The following RGS7 variants were observed in gnomAD, a reference collection of about 807,000 sequenced individuals.
RGS7 encodes regulator of G-protein signaling 7.
Under a neutral mutation model 81.1 loss-of-function variants are expected in RGS7, and 27 were observed. The ratio of observed to expected loss-of-function variants is 0.33; its 90% CI spans 0.25 to 0.46. The LOEUF is 0.46. Ranked by LOEUF, RGS7 falls within the 20% of genes least tolerant of loss-of-function variation. The pLI, the probability that RGS7 is intolerant of heterozygous loss-of-function variation, is 1.00. For synonymous variants in RGS7, 208 were observed against 207.7 expected, an observed-to-expected ratio of 1.00 and a Z score of -0.01; for missense variants, 396 against 607.4, an observed-to-expected ratio of 0.65 and a Z score of 3.66.
At chr1:241,089,006 A>G (rs1351996102) in intron 3 of RGS7, among the ~76,000 whole-genome samples, 2 of 132,436 alleles carry the variant, frequency 1.5e-5, no homozygotes, top group Non-Finnish European at 3.2e-5. Context: ...AGCCTGGGCC[A>G]CAGAGCAAGA....
chr1:240,832,760 G>A lies in RGS7; in HGVS notation c.610-5588C>T, dbSNP rs146829938. Among the ~76,000 whole-genome samples, 946 of 152,260 alleles carry A rather than the reference G, an allele frequency of 6.2e-3. 7 individuals carry two copies. Among genetic ancestry groups the A allele is most frequent in the African/African-American group, 0.021 (853 of 41,542 alleles). ...TACCTGGGAGAACAGTGTCCTAAAC[G>A]ACAGGTGAGTGGAGGATTAGAAATG... is the stretch of plus-strand genomic sequence containing the variant. On this transcript the variant is annotated intron_variant, in intron 9 of 18. Coordinates refer to ENST00000440928, the MANE Select transcript of RGS7 (RefSeq NM_001364886.1).
intron 2 of RGS7, among the ~76,000 whole-genome samples, chr1:241,287,675 C>A (rs2078892481): frequency 6.6e-6 from 1 of 152,064 alleles, no homozygotes; most frequent in Admixed American, 6.6e-5. Flanking sequence ...TGGTCTTAGG[C>A]AAAGGAAGAC....
chr1:241,097,148 G>C (rs980632268), intron 3 of RGS7, among the ~76,000 whole-genome samples: 1 of 151,658 alleles, frequency 6.6e-6, no homozygotes, highest in African/African-American at 2.4e-5. Flanking sequence ...AAAGCTTCAG[G>C]AGAGTTTTCA....
chr1:241,340,110 G>A (rs985095287), intron 2 of RGS7, among the ~76,000 whole-genome samples: 2 of 152,070 alleles, frequency 1.3e-5, no homozygotes, highest in Non-Finnish European at 2.9e-5. Flanking sequence ...TTCTTTTGTT[G>A]GAATCCATTC....
intron 2 of RGS7, among the ~76,000 whole-genome samples, chr1:241,233,572 CT>C (rs1024290781): frequency 3.9e-5 from 6 of 152,206 alleles, no homozygotes; most frequent in African/African-American, 9.6e-5. Context: ...GGATTTCATG[CT>C]TTTTTTATGG....
chr1:241,352,600 A>G (rs2083312869), intron 2 of RGS7, among the ~76,000 whole-genome samples: 1 of 152,246 alleles, frequency 6.6e-6, no homozygotes, highest in Non-Finnish European at 1.5e-5. Flanking sequence ...CTGACTTGCA[A>G]GTACCAACCC....
intron 2 of RGS7, among the ~76,000 whole-genome samples, chr1:241,319,416 A>C (rs573598360): frequency 6.6e-6 from 1 of 152,356 alleles, no homozygotes; most frequent in Non-Finnish European, 1.5e-5. Flanking sequence ...AAAATGCAAC[A>C]AAATATTAAT....
chr1:241,157,055 CAAGAGT>C (rs2069210701), intron 2 of RGS7, among the ~76,000 whole-genome samples: 1 of 151,792 alleles, frequency 6.6e-6, no homozygotes, highest in Non-Finnish European at 1.5e-5. Context: ...AAATCCCTAG[CAAGAGT>C]AAGTACGTTA....
chr1:240,928,602 T>C (rs1674873006), intron 6 of RGS7, among the ~76,000 whole-genome samples: 1 of 150,120 alleles, frequency 6.7e-6, no homozygotes. Context: ...ATTTTCTTTA[T>C]AATTTTTTTT....
At chr1:241,311,333 T>C (rs1335356248) in intron 2 of RGS7, among the ~76,000 whole-genome samples, 2 of 152,182 alleles carry the variant, frequency 1.3e-5, no homozygotes, top group African/African-American at 2.4e-5. Context: ...AAAACAAAGA[T>C]AGGAACCTAA....
chr1:240,950,096 T>C (rs1193955225), intron 4 of RGS7, among the ~76,000 whole-genome samples: 1 of 152,096 alleles, frequency 6.6e-6, no homozygotes, highest in East Asian at 1.9e-4. Context: ...TTTGGATCCA[T>C]AAACTGACAG....
intron 3 of RGS7, among the ~76,000 whole-genome samples, chr1:240,989,160 C>A (rs1486883710): frequency 6.6e-6 from 1 of 152,008 alleles, no homozygotes; most frequent in Non-Finnish European, 1.5e-5. Flanking sequence ...CCCAATCAGG[C>A]CGGCCACGGT....
intron 2 of RGS7, among the ~76,000 whole-genome samples, chr1:241,118,143 T>G (rs988080832): frequency 6.6e-6 from 1 of 152,178 alleles, no homozygotes; most frequent in Admixed American, 6.5e-5. Flanking sequence ...ACAACCTTCT[T>G]AAATGTTTTT....
intron 3 of RGS7, among the ~76,000 whole-genome samples, chr1:240,996,477 C>CAAGAG (rs1687296685): frequency 6.6e-6 from 1 of 152,162 alleles, no homozygotes; most frequent in African/African-American, 2.4e-5. Flanking sequence ...TTCTGAATCT[C>CAAGAG]TCTTGTTAGA....
intron 6 of RGS7, among the ~76,000 whole-genome samples, chr1:240,887,289 C>T (rs7551202): frequency 0.04 from 5,457 of 137,200 alleles, 360 homozygotes; most frequent in African/African-American, 0.15. Context: ...AGTGCAGTGG[C>T]GCGATCTTGG....
In RGS7 at chr1:241,232,192, T is replaced by TTCTCTCTCTC. The variant is rs111426330; in HGVS notation, c.78+123497_78+123506dup. ...TCTGTTCCATTGTTGTATATGTCTA[T>TTCTCTCTCTC]TCTCTCTCTCTCTCTCTCTTTCTCT... On this transcript the variant is annotated intron_variant, in intron 2 of 18. Coordinates refer to ENST00000440928, the MANE Select transcript of RGS7 (RefSeq NM_001364886.1). Among the ~76,000 whole-genome samples, 499 of 149,116 alleles carry TTCTCTCTCTC rather than the reference T, an allele frequency of 3.3e-3. 2 individuals carry two copies. The highest frequency in any genetic ancestry group is 6.9e-3 in the Middle Eastern group (2 of 290).
At chr1:240,928,226 T>G (rs989704929) in intron 6 of RGS7, among the ~76,000 whole-genome samples, 6 of 152,224 alleles carry the variant, frequency 3.9e-5, no homozygotes, top group Admixed American at 1.3e-4. Flanking sequence ...ACCTTTCTTG[T>G]GGCCACCCAA....
At chr1:240,998,914 A>T in intron 3 of RGS7, 1 of 368,172 alleles carries the variant, frequency 2.7e-6, no homozygotes, top group South Asian at 2.3e-5. Context: ...CTATCCTTTC[A>T]TAACTCCAAT....
At chr1:241,338,509 T>C (rs2082363508) in intron 2 of RGS7, among the ~76,000 whole-genome samples, 1 of 152,084 alleles carries the variant, frequency 6.6e-6, no homozygotes, top group South Asian at 2.1e-4. Context: ...TAAGCTCAAA[T>C]ATTTTAAAAA....
Sources: gnomAD v4.1 joint callset for allele counts (sites outside exome capture counted in the v4.1 genomes callset) on GRCh38, gnomAD v4.1.1 for gene constraint, MANE v1.5 for transcripts, NCBI Gene and HGNC (gene_info 2026-07-23, HGNC 2026-07-21) for gene names.